CEP70: variants seen among roughly 807,000 people sequenced by gnomAD.
The protein encoded by CEP70 is centrosomal protein 70, also known as centrosomal protein of 70 kDa.
A neutral mutation model predicts 90.9 loss-of-function variants in CEP70; 70 were observed. The observed-to-expected ratio is 0.77, with a 90% CI of 0.64 to 0.94. The LOEUF (loss-of-function observed/expected upper bound fraction) is 0.94, where lower values mean the gene tolerates loss of function less well. CEP70 is among the 40% of genes least tolerant of loss of function. The pLI, the probability that CEP70 is intolerant of heterozygous loss-of-function variation, is 0.00. For synonymous variants in CEP70, 220 were observed against 228.3 expected, an observed-to-expected ratio of 0.96 and a Z score of 0.33; for missense variants, 648 against 669.0, an observed-to-expected ratio of 0.97 and a Z score of 0.35.
At chr3:138,564,797 T>C (rs992205567) in intron 6 of CEP70, among the ~76,000 whole-genome samples, 1 of 152,170 alleles carries the variant, frequency 6.6e-6, no homozygotes, top group Non-Finnish European at 1.5e-5. Flanking sequence ...AAAACAAAGA[T>C]GCCCTCTCTC....
chr3:138,524,375 G>A (rs1319113380), intron 11 of CEP70, among the ~76,000 whole-genome samples: 2 of 152,098 alleles, frequency 1.3e-5, no homozygotes, highest in Non-Finnish European at 2.9e-5. Context: ...ATTGACAAAT[G>A]GGATCTAATT....
chr3:138,520,328 C>T (rs1339142245), intron 11 of CEP70, among the ~76,000 whole-genome samples: 8 of 152,224 alleles, frequency 5.3e-5, no homozygotes, highest in South Asian at 2.1e-4. Flanking sequence ...CTGCACCAAG[C>T]GGACCTAATA....
Position 138,529,239 on chromosome 3 carries a change from A to C in CEP70, c.829T>G (p.Ser277Ala). 1 of 1,609,818 alleles carries C rather than the reference A, an allele frequency of 6.2e-7. No individual in the cohort carries two copies. Among genetic ancestry groups the C allele is most frequent in the South Asian group, 1.1e-5 (1 of 89,800 alleles). ...TTTTGGAGGTTCAGCTTTTCACTTG[A>C]AAGTGCATCAATCTTAGATTTTGAT... ...KESKSKIDAL[S>A]SEKLNLQKDL... Residue 277 changes from serine to alanine, a missense_variant, in exon 10 of 18, where the codon TCA becomes GCA. Coordinates refer to ENST00000264982, the MANE Select transcript of CEP70 (RefSeq NM_024491.4).
At chr3:138,508,008 G>A (rs1353785972) in intron 12 of CEP70, among the ~76,000 whole-genome samples, 3 of 152,066 alleles carry the variant, frequency 2.0e-5, no homozygotes, top group African/African-American at 7.2e-5. Flanking sequence ...AACTAGGAAG[G>A]TGAGATTCCC....
intron 12 of CEP70, 31 bp downstream of exon 12, chr3:138,508,408 G>C (rs201271950): frequency 4.5e-6 from 6 of 1,339,566 alleles, no homozygotes; most frequent in Non-Finnish European, 3.2e-6. Flanking sequence ...ACAAACATCA[G>C]TCTTTTTGTC....
At position 138,572,828 on chromosome 3, in the gene CEP70, GA is replaced by G. The variant is rs751586110; in HGVS notation, c.69+30del. ...TAGCATTCTTTGGCACATATTTTGAGAAGCAGTGTCTTAAAATATTTTAAGT... is the reference window on the plus strand; with the variant it reads ...TAGCATTCTTTGGCACATATTTTGAGAGCAGTGTCTTAAAATATTTTAAGT... On this transcript the variant is annotated intron_variant, in intron 3 of 17. Coordinates refer to ENST00000264982, the MANE Select transcript of CEP70 (RefSeq NM_024491.4). The G allele has an allele frequency of 2.3e-6, 3 of 1,332,078 alleles. No homozygotes were observed. The African/African-American group carries it at 4.3e-5, about 19-fold the overall frequency. 82.5% of individuals were successfully genotyped at this position (1,332,078 alleles called of 1,614,324 possible). A position where few individuals can be genotyped will look rare whatever the true frequency, so the allele number is the denominator to read the frequency against.
chr3:138,575,494 T>G (rs546764), intron 2 of CEP70, among the ~76,000 whole-genome samples: 149,262 of 152,302 alleles, frequency 0.98, 73,164 homozygotes, highest in East Asian at 1. Context: ...CCAAAAGTGA[T>G]GGGGGGAATG....
intron 6 of CEP70, among the ~76,000 whole-genome samples, chr3:138,549,471 C>A (rs1048178564): frequency 6.6e-6 from 1 of 151,934 alleles, no homozygotes; most frequent in Non-Finnish European, 1.5e-5. Context: ...CTGCATGACA[C>A]AGCAGAGGCA....
chr3:138,494,880 T>C lies in CEP70; in HGVS notation c.*135A>G, dbSNP rs1198421246. 3 of 576,464 alleles carry C rather than the reference T, an allele frequency of 5.2e-6. No homozygotes were observed. Among genetic ancestry groups the C allele is most frequent in the African/African-American group, 3.8e-5 (2 of 52,360 alleles). The allele number at this position is 576,464 out of a possible 1,614,324, so 35.7% of individuals were successfully genotyped here. ...TAATAAAAATTATACAGATGAAGAA[T>C]GACCTAATACTAAGAAGGGGATGAA... On this transcript the variant is annotated 3_prime_UTR_variant, in exon 18 of 18. Transcript: ENST00000264982.
At chr3:138,592,120 A>C (rs970916482) in intron 1 of CEP70, among the ~76,000 whole-genome samples, 164 bp from the exon 2 acceptor site, 1 of 152,180 alleles carries the variant, frequency 6.6e-6, no homozygotes, top group Non-Finnish European at 1.5e-5. Flanking sequence ...TCACCATCAT[A>C]TGCCTCTTCC....
chr3:138,562,895 A>G (rs571213352), intron 6 of CEP70, among the ~76,000 whole-genome samples: 2 of 152,198 alleles, frequency 1.3e-5, no homozygotes, highest in Non-Finnish European at 2.9e-5. Flanking sequence ...CCCCACTTAA[A>G]AGACACAGAT....
chr3:138,515,847 CCTT>C (rs1172512030), intron 11 of CEP70, among the ~76,000 whole-genome samples: 1 of 152,196 alleles, frequency 6.6e-6, no homozygotes, highest in Non-Finnish European at 1.5e-5. Context: ...CCTACATCCT[CCTT>C]CTCCTAGTTG....
chr3:138,527,940 A>G (rs1399133701), intron 10 of CEP70, among the ~76,000 whole-genome samples: 2 of 151,902 alleles, frequency 1.3e-5, no homozygotes, highest in Non-Finnish European at 2.9e-5. Flanking sequence ...TCAAAATTCA[A>G]TAAATTGTGT....
intron 11 of CEP70, among the ~76,000 whole-genome samples, chr3:138,521,321 AG>A (rs377584838): frequency 2.0e-5 from 3 of 150,718 alleles, no homozygotes; most frequent in African/African-American, 7.3e-5. Flanking sequence ...CTGGGAAGTG[AG>A]GAGTGCCTCT....
chr3:138,571,636 T>C (rs560948727), intron 3 of CEP70, among the ~76,000 whole-genome samples: 2 of 152,326 alleles, frequency 1.3e-5, no homozygotes, highest in South Asian at 2.1e-4. Flanking sequence ...AAACACCTTG[T>C]AATTTCAGTG....
intron 11 of CEP70, among the ~76,000 whole-genome samples, chr3:138,511,949 T>C (rs1418443337): frequency 2.6e-5 from 4 of 152,104 alleles, no homozygotes; most frequent in South Asian, 4.1e-4. Flanking sequence ...CAGGAGAAAA[T>C]AGTATTAGAA....
intron 6 of CEP70, among the ~76,000 whole-genome samples, chr3:138,553,512 A>G (rs971684232): frequency 1.3e-5 from 2 of 151,778 alleles, no homozygotes; most frequent in Admixed American, 1.3e-4. Flanking sequence ...CCAGGACTAG[A>G]CAGATTGACA....
At chr3:138,585,318 T>C (rs1283727253) in intron 2 of CEP70, among the ~76,000 whole-genome samples, 1 of 152,014 alleles carries the variant, frequency 6.6e-6, no homozygotes, top group Admixed American at 6.6e-5. Context: ...ATTAAACACC[T>C]AGGAATTAAC....
rs529497518 is a variant in CEP70, at chr3:138,591,939, C to T, written c.-91G>A. On this transcript the variant is annotated 5_prime_UTR_variant, in exon 2 of 18. Coordinates refer to ENST00000264982, the MANE Select transcript of CEP70 (RefSeq NM_024491.4). ...AATGATCACCCAACGAGTCTCATGT[C>T]TGAAACTGGATCTTCATCTAGGTTT... 9.1e-7 allele frequency: 1 copy of T among 1,102,640 alleles called. No individual in the cohort carries two copies. The highest frequency in any genetic ancestry group is 2.0e-4 in the Middle Eastern group (1 of 4,980). The allele number at this position is 1,102,640 out of a possible 1,614,324, so 68.3% of individuals were successfully genotyped here.
Sources: gnomAD v4.1 joint callset for allele counts (sites outside exome capture counted in the v4.1 genomes callset) on GRCh38, gnomAD v4.1.1 for gene constraint, MANE v1.5 for transcripts, NCBI Gene and HGNC (gene_info 2026-07-23, HGNC 2026-07-21) for gene names.